The following SORBS3 variants were observed in gnomAD, a reference collection of about 807,000 sequenced individuals.
SORBS3 encodes the protein sorbin and SH3 domain containing 3.
In SORBS3, 69 loss-of-function variants were observed where a neutral mutation model predicts 98.0. The ratio of observed to expected loss-of-function variants is 0.70; its 90% CI spans 0.58 to 0.86. SORBS3 has a LOEUF of 0.86. Ranked by LOEUF, SORBS3 falls within the 40% of genes least tolerant of loss-of-function variation. SORBS3 has a pLI of 0.00. For synonymous variants in SORBS3, 394 were observed against 355.4 expected (o/e 1.11, Z -1.22); for missense variants, 954 against 908.5 (o/e 1.05, Z -0.64).
In SORBS3 at chr8:22,564,373, A is replaced by G. The variant is rs374876685; in HGVS notation, c.762+4A>G. 6 of 1,613,870 alleles carry G rather than the reference A, an allele frequency of 3.7e-6. No homozygotes were observed. The highest frequency in any genetic ancestry group is 5.1e-6 in the Non-Finnish European group (6 of 1,179,890). On this transcript the variant is annotated splice_donor_region_variant and intron_variant, in intron 9 of 20. Coordinates refer to ENST00000240123, the MANE Select transcript of SORBS3 (RefSeq NM_005775.5). ...GGAACTAGAGACTGGGCAGAGGGTG[A>G]GTGCTGGCTGGCTCTCGGGGTGTGC...
upstream of SORBS3, among the ~76,000 whole-genome samples, chr8:22,550,473 C>T (rs1325972404): frequency 6.6e-6 from 1 of 152,234 alleles, no homozygotes; most frequent in African/African-American, 2.4e-5. Context: ...AGCTGTGTGT[C>T]CACATGGCAG....
chr8:22,569,664 C>T (rs983166091), intron 17 of SORBS3, among the ~76,000 whole-genome samples: 7 of 152,070 alleles, frequency 4.6e-5, no homozygotes, highest in Admixed American at 2.6e-4. Context: ...AAAAAGAGTC[C>T]GATGTACCTA....
At chr8:22,564,903 G>A (rs1268871164) in intron 10 of SORBS3, 2 of 1,279,686 alleles carry the variant, frequency 1.6e-6, no homozygotes, top group Admixed American at 3.7e-5. Context: ...GGGTGGCGGG[G>A]GAACCTGGAT....
Position 22,564,070 on chromosome 8 carries a change from CA to C in SORBS3, c.671del (p.Asn224IlefsTer10), listed in dbSNP as rs1177362663. On this transcript the variant is annotated frameshift_variant, in exon 8 of 21. Transcript: ENST00000240123. LOFTEE classifies it high-confidence loss of function. ...PGAFSTVLQP[S>X]NQVLRRREKV... is the part of the protein sequence containing the mutation. ...GCATTCTCCACTGTGCTGCAGCCCT[CA>C]AATCAGGTAGCCCACCCAGCATAGT... 6.2e-7 allele frequency: 1 copy of C among 1,613,650 alleles called. No individual in the cohort carries two copies. Among genetic ancestry groups the C allele is most frequent in the Admixed American group, 1.7e-5 (1 of 60,034 alleles).
chr8:22,550,024 G>A (rs946084894), upstream of SORBS3: 7 of 985,390 alleles, frequency 7.1e-6, no homozygotes, highest in Admixed American at 1.2e-4. Context: ...AAGTGAAAGC[G>A]ATGTGGTCCT....
In SORBS3 at chr8:22,558,021, G is replaced by T. The variant is rs911009149; in HGVS notation, c.415-108G>T. Reference sequence around the variant, plus strand: ...AAGCATTTCCCAGCCCACCTATGGGGGGTTCAGGGATGGCCAGAGAAGGGA... The same window carrying T: ...AAGCATTTCCCAGCCCACCTATGGGTGGTTCAGGGATGGCCAGAGAAGGGA... On this transcript the variant is annotated intron_variant, in intron 4 of 20. Coordinates refer to ENST00000240123, the MANE Select transcript of SORBS3 (RefSeq NM_005775.5). The T allele has an allele frequency of 1.7e-5, 17 of 986,770 alleles. No individual in the cohort carries two copies. In the Admixed American group the frequency reaches 2.0e-4, roughly 12 times the overall value. The allele number at this position is 986,770 out of a possible 1,614,324, so 61.1% of individuals were successfully genotyped here. A position where few individuals can be genotyped will look rare whatever the true frequency, so the allele number is the denominator to read the frequency against.
At chr8:22,558,213 C>T (rs1285974145) in intron 5 of SORBS3, 21 bp downstream of exon 5, 1 of 1,611,758 alleles carries the variant, frequency 6.2e-7, no homozygotes, top group South Asian at 1.1e-5. Flanking sequence ...CTTCCAGGGC[C>T]CTCTCCCTGC....
chr8:22,567,049 C>CAG lies in SORBS3; in HGVS notation c.1191-12_1191-11insAG. On this transcript the variant is annotated splice_polypyrimidine_tract_variant and intron_variant, in intron 15 of 20. Coordinates refer to ENST00000240123, the MANE Select transcript of SORBS3 (RefSeq NM_005775.5). ...CTTCAGCTTACCCTGCGGTCCTCGTCCCCACCTGCAGGGAGCTGACTCTGC... is the reference window on the plus strand; with the variant it reads ...CTTCAGCTTACCCTGCGGTCCTCGTCAGCCCACCTGCAGGGAGCTGACTCTGC... 1 of 1,605,914 alleles carries CAG rather than the reference C, an allele frequency of 6.2e-7. No individual in the cohort carries two copies. Among genetic ancestry groups the CAG allele is most frequent in the Non-Finnish European group, 8.5e-7 (1 of 1,173,560 alleles).
upstream of SORBS3, among the ~76,000 whole-genome samples, chr8:22,549,048 C>T (rs1840046145): frequency 6.6e-6 from 1 of 152,218 alleles, no homozygotes; most frequent in Non-Finnish European, 1.5e-5. Flanking sequence ...ACAAAAGGTG[C>T]AGCCTCAAGG....
At position 22,559,595 on chromosome 8, in the gene SORBS3, C is replaced by T. The variant is rs533775647; in HGVS notation, c.478+1403C>T. Among the ~76,000 whole-genome samples, 5 of 151,932 alleles carry T rather than the reference C, an allele frequency of 3.3e-5. No homozygotes were observed. In the East Asian group the frequency reaches 7.7e-4, roughly 23 times the overall value. On this transcript the variant is annotated intron_variant, in intron 5 of 20. Transcript: ENST00000240123. ...GCATGCACCTGTAATCCCAGCTACT[C>T]GAGAAGCTGAGGCAGGAGAATTGCT...
chr8:22,563,067 C>T (rs1026168473), intron 7 of SORBS3, among the ~76,000 whole-genome samples: 25 of 151,544 alleles, frequency 1.6e-4, no homozygotes, highest in Non-Finnish European at 3.2e-4. Flanking sequence ...TGCAGTGAGC[C>T]GGGATTGCGC....
At chr8:22,571,915 G>T in intron 19 of SORBS3, 94 bp downstream of exon 19, 2 of 921,614 alleles carry the variant, frequency 2.2e-6, no homozygotes, top group Non-Finnish European at 1.8e-6. Flanking sequence ...CCCACCTGTG[G>T]ATTTGGGAAA....
At chr8:22,548,454 G>C (rs184325238), upstream of SORBS3, among the ~76,000 whole-genome samples, 3 of 152,280 alleles carry the variant, frequency 2.0e-5, no homozygotes, top group Non-Finnish European at 4.4e-5. Flanking sequence ...AGTCCAAACT[G>C]CTGGAAACGG....
intron 12 of SORBS3, 105 bp downstream of exon 12, chr8:22,565,977 G>C (rs904369321): frequency 6.4e-6 from 5 of 779,510 alleles, no homozygotes; most frequent in Non-Finnish European, 8.6e-6. Context: ...GGGCCCAGCC[G>C]GGGGAGGAAG....
chr8:22,552,435 C>T (rs1039327441), intron 1 of SORBS3, among the ~76,000 whole-genome samples: 3 of 152,248 alleles, frequency 2.0e-5, no homozygotes, highest in Admixed American at 6.5e-5. Context: ...AGATGCTGCC[C>T]TCTTCCTTGT....
chr8:22,565,870 C>A lies in SORBS3; in HGVS notation c.948C>A (p.Ala316=). 1 of 1,264,394 alleles carries A rather than the reference C, an allele frequency of 7.9e-7. No individual in the cohort carries two copies. Among genetic ancestry groups the A allele is most frequent in the Non-Finnish European group, 9.9e-7 (1 of 1,005,552 alleles). The allele number at this position is 1,264,394 out of a possible 1,614,324, so 78.3% of individuals were successfully genotyped here. ...GGGCCCCGGAGCAGCGGCCCCCGGCCGGGTGAGTGGGAGACGCGGGAGGAG... is the reference window on the plus strand; with the variant it reads ...GGGCCCCGGAGCAGCGGCCCCCGGCAGGGTGAGTGGGAGACGCGGGAGGAG... The part of the protein sequence containing the change: ...PRRAPEQRPP[A]GPASAWSSSY... The change falls in exon 12 of 21, where the codon GCC becomes GCA. Residue 316 remains alanine, a splice_region_variant and synonymous_variant. Transcript: ENST00000240123.
intron 17 of SORBS3, among the ~76,000 whole-genome samples, chr8:22,569,748 C>G (rs943419892): frequency 6.6e-6 from 1 of 151,408 alleles, no homozygotes; most frequent in African/African-American, 2.4e-5. Context: ...CTTTTTTTTG[C>G]TTTTTTTTGA....
chr8:22,566,260 C>T, intron 12 of SORBS3, 85 bp from the exon 13 acceptor site: 4 of 1,463,922 alleles, frequency 2.7e-6, no homozygotes, highest in African/African-American at 1.4e-5. Flanking sequence ...GGGATGGGGG[C>T]GATGGGGGGT....
intron 4 of SORBS3, among the ~76,000 whole-genome samples, chr8:22,557,510 T>C (rs1467380614): frequency 6.6e-6 from 1 of 152,154 alleles, no homozygotes; most frequent in Non-Finnish European, 1.5e-5. Flanking sequence ...CCTACATTAT[T>C]GCTGTCATTT....
Sources: gnomAD v4.1 joint callset for allele counts (sites outside exome capture counted in the v4.1 genomes callset) on GRCh38, gnomAD v4.1.1 for gene constraint, MANE v1.5 for transcripts, NCBI Gene and HGNC (gene_info 2026-07-23, HGNC 2026-07-21) for gene names.